Variants in GALNT13 observed in about 807,000 individuals in gnomAD.
GALNT13 encodes UDP-GalNAc:polypeptide N-acetylgalactosaminyltransferase 13.
Under a neutral mutation model 64.2 loss-of-function variants are expected in GALNT13, and 28 were observed. The ratio of observed to expected loss-of-function variants is 0.44; its 90% CI spans 0.32 to 0.60. The LOEUF (loss-of-function observed/expected upper bound fraction) is 0.60, where lower values mean the gene tolerates loss of function less well. GALNT13 is among the 20% of genes least tolerant of loss of function. GALNT13 has a pLI of 0.05. For missense variants in GALNT13, 577 were observed against 669.8 expected (o/e 0.86, Z 1.53); for synonymous variants, 214 against 224.6 (o/e 0.95, Z 0.42).
At chr2:153,091,738 A>G in the GALNT13 span, among the ~76,000 whole-genome samples, 8 of 152,304 alleles carry the variant, frequency 5.3e-5, no homozygotes, top group African/African-American at 1.9e-4. Flanking sequence ...TAGTCTGGTT[A>G]TTAATCCCTT....
chr2:153,123,738 C>G, the GALNT13 span, among the ~76,000 whole-genome samples: 1 of 152,034 alleles, frequency 6.6e-6, no homozygotes, highest in Non-Finnish European at 1.5e-5. Context: ...TTTTAAGGGC[C>G]AAATACAGAG....
chr2:153,375,967 C>T, the GALNT13 span, among the ~76,000 whole-genome samples: 4 of 152,130 alleles, frequency 2.6e-5, no homozygotes, highest in South Asian at 6.2e-4. Context: ...TTGGGGCTGG[C>T]CTGGGAGAGG....
At chr2:154,439,469 TC>T (rs147722581) in intron 12 of GALNT13, among the ~76,000 whole-genome samples, 13,680 of 152,190 alleles carry the variant, frequency 0.09, 699 homozygotes, top group South Asian at 0.17. Flanking sequence ...GTGTTACATT[TC>T]CCACATTATT....
At chr2:154,005,928 G>A (rs1021620868) in intron 3 of GALNT13, among the ~76,000 whole-genome samples, 2 of 152,120 alleles carry the variant, frequency 1.3e-5, no homozygotes, top group Non-Finnish European at 2.9e-5. Context: ...GATGCTACCT[G>A]TACAAGGACC....
At chr2:154,414,692 G>T (rs1266825250) in intron 11 of GALNT13, among the ~76,000 whole-genome samples, 1 of 151,798 alleles carries the variant, frequency 6.6e-6, no homozygotes, top group Non-Finnish European at 1.5e-5. Context: ...GGGGTTGAAA[G>T]GGGTCTTTTT....
intron 4 of GALNT13, among the ~76,000 whole-genome samples, chr2:154,141,599 CTCA>C (rs1337075611): frequency 3.3e-5 from 5 of 152,136 alleles, no homozygotes; most frequent in African/African-American, 1.2e-4. Context: ...TTATGAGACT[CTCA>C]TCATATATGT....
chr2:153,120,648 T>G, the GALNT13 span, among the ~76,000 whole-genome samples: 1 of 152,212 alleles, frequency 6.6e-6, no homozygotes, highest in African/African-American at 2.4e-5. Context: ...TGTCTAAAGC[T>G]CTATCTGGAA....
chr2:154,362,888 A>G (rs1160985725), intron 9 of GALNT13, among the ~76,000 whole-genome samples: 2 of 152,172 alleles, frequency 1.3e-5, no homozygotes, highest in Non-Finnish European at 2.9e-5. Flanking sequence ...CAAACCCTTT[A>G]AAGTATTAAA....
chr2:154,342,825 C>CGT (rs59607214), intron 9 of GALNT13, among the ~76,000 whole-genome samples: 22,108 of 146,606 alleles, frequency 0.15, 1,679 homozygotes, highest in Middle Eastern at 0.21. Context: ...TAAGAGTGTG[C>CGT]GTGTGTGTGT....
the GALNT13 span, among the ~76,000 whole-genome samples, chr2:153,624,693 C>A: frequency 6.6e-6 from 1 of 151,942 alleles, no homozygotes; most frequent in East Asian, 1.9e-4. Flanking sequence ...AACAAAAATG[C>A]CCACTTTAGA....
chr2:154,030,124 G>A (rs561918086), intron 3 of GALNT13, among the ~76,000 whole-genome samples: 2 of 151,352 alleles, frequency 1.3e-5, no homozygotes, highest in African/African-American at 4.8e-5. Context: ...ATAATTCTCT[G>A]AAATTAATGA....
chr2:153,266,205 C>A, the GALNT13 span, among the ~76,000 whole-genome samples: 2 of 152,146 alleles, frequency 1.3e-5, no homozygotes, highest in African/African-American at 4.8e-5. Context: ...ATGGCTTTGA[C>A]ATGATTGCCT....
At chr2:153,448,724 G>A in the GALNT13 span, among the ~76,000 whole-genome samples, 1 of 152,018 alleles carries the variant, frequency 6.6e-6, no homozygotes, top group African/African-American at 2.4e-5. Flanking sequence ...TGCATCTCAG[G>A]ACACTTTTCA....
chr2:153,639,408 A>C, the GALNT13 span, among the ~76,000 whole-genome samples: 5 of 152,170 alleles, frequency 3.3e-5, no homozygotes, highest in African/African-American at 1.2e-4. Context: ...AGTGAGGCAA[A>C]ATGAATAATA....
At chr2:153,113,403 T>C in the GALNT13 span, among the ~76,000 whole-genome samples, 1 of 151,990 alleles carries the variant, frequency 6.6e-6, no homozygotes, top group Non-Finnish European at 1.5e-5. Flanking sequence ...GATTCTCTAT[T>C]TTTCTGTTAG....
At chr2:153,257,426 A>C in the GALNT13 span, among the ~76,000 whole-genome samples, 2 of 151,966 alleles carry the variant, frequency 1.3e-5, no homozygotes, top group South Asian at 2.1e-4. Context: ...CGTGGCTCAC[A>C]CTGGGAGCTG....
At chr2:154,325,220 T>TA (rs1472883101) in intron 9 of GALNT13, among the ~76,000 whole-genome samples, 2 of 152,048 alleles carry the variant, frequency 1.3e-5, no homozygotes. Flanking sequence ...AACCTATGCC[T>TA]AAAAAATGAT....
the GALNT13 span, among the ~76,000 whole-genome samples, chr2:153,148,471 A>G: frequency 1.5e-5 from 2 of 130,298 alleles, no homozygotes; most frequent in South Asian, 2.4e-4. Context: ...GCTGTCATCC[A>G]TTTTTTCTTT....
the GALNT13 span, among the ~76,000 whole-genome samples, chr2:153,643,429 A>G: frequency 1.3e-5 from 2 of 151,604 alleles, no homozygotes; most frequent in East Asian, 1.9e-4. Flanking sequence ...ATAATTTAAC[A>G]AAACCAATTC....
Sources: gnomAD v4.1 joint callset for allele counts (sites outside exome capture counted in the v4.1 genomes callset) on GRCh38, gnomAD v4.1.1 for gene constraint, MANE v1.5 for transcripts, NCBI Gene and HGNC (gene_info 2026-07-23, HGNC 2026-07-21) for gene names.